SLC9A3: variants seen among roughly 807,000 people sequenced by gnomAD.
The protein encoded by SLC9A3 is sodium/hydrogen exchanger 3.
Under a neutral mutation model 86.8 loss-of-function variants are expected in SLC9A3, and 37 were observed. That is an observed-to-expected ratio of 0.43 (90% CI 0.33 to 0.56). The LOEUF (loss-of-function observed/expected upper bound fraction) is 0.56. SLC9A3 is among the 20% of genes least tolerant of loss of function. The pLI is 0.06. For synonymous variants in SLC9A3, 581 were observed against 528.3 expected (o/e 1.10, Z -1.37); for missense variants, 1,011 against 1,171.9 (o/e 0.86, Z 2.00).
At chr5:517,927 CTCCATTCA>C (rs542507757) in intron 1 of SLC9A3, among the ~76,000 whole-genome samples, 189 of 152,188 alleles carry the variant, frequency 1.2e-3, no homozygotes, top group Non-Finnish European at 2.5e-3. Context: ...CATCCATTCA[CTCCATTCA>C]TCCATTCGCT....
At chr5:509,997 G>T (rs13436079) in intron 1 of SLC9A3, among the ~76,000 whole-genome samples, 32,531 of 152,192 alleles carry the variant, frequency 0.21, 3,995 homozygotes, top group African/African-American at 0.35. Context: ...AAGGATGGGG[G>T]AGGCTTCGGG....
chr5:497,338 G>A lies in SLC9A3; in HGVS notation c.212-5267C>T, dbSNP rs1740070189. ...GGAGTCGACGCCCCCCACTGCCCTC[G>A]AAACCTGGTTTCTCTGCTCCCGGGT... is the stretch of plus-strand genomic sequence containing the variant. On this transcript the variant is annotated intron_variant, in intron 1 of 16. Coordinates refer to ENST00000264938, the MANE Select transcript of SLC9A3 (RefSeq NM_004174.4). The surrounding 1 kb of genome is among the most constrained non-coding windows in gnomAD (Gnocchi z 5.4). Among the ~76,000 whole-genome samples the A allele has an allele frequency of 6.6e-6, 1 of 152,050 alleles. No homozygotes were observed. The highest frequency in any genetic ancestry group is 2.4e-5 in the African/African-American group (1 of 41,410).
At chr5:483,583 G>T in intron 5 of SLC9A3, 101 bp from the exon 6 acceptor site, 2 of 845,504 alleles carry the variant, frequency 2.4e-6, no homozygotes, top group Non-Finnish European at 3.9e-6. Context: ...TAGGCCCAGA[G>T]TCACAGTTGT....
At chr5:478,534 G>T (rs868522830) in intron 10 of SLC9A3, 1 of 153,778 alleles carries the variant, frequency 6.5e-6, no homozygotes, top group Middle Eastern at 8.4e-4. Flanking sequence ...GCCACCCCAG[G>T]TGTGGGGACC....
intron 1 of SLC9A3, among the ~76,000 whole-genome samples, chr5:523,269 T>C (rs1733938736): frequency 6.6e-6 from 1 of 152,182 alleles, no homozygotes; most frequent in South Asian, 2.1e-4. Context: ...CCCTCCCCTG[T>C]CCTGCGTGGG....
chr5:476,517 T>TCCAGCCC (rs777711841), intron 12 of SLC9A3, 26 bp downstream of exon 12: 1 of 1,606,922 alleles, frequency 6.2e-7, no homozygotes, highest in Non-Finnish European at 8.5e-7. Context: ...TGCGGGGTCC[T>TCCAGCCC]CCAGCCCCCA....
chr5:507,081 T>A (rs754939161), intron 1 of SLC9A3, among the ~76,000 whole-genome samples: 13 of 26,046 alleles, frequency 5.0e-4, no homozygotes, highest in South Asian at 2.9e-3. Flanking sequence ...TCTCAAAAAA[T>A]AAATAAATAA....
chr5:476,992 C>T (rs1037584110), intron 11 of SLC9A3: 2 of 517,226 alleles, frequency 3.9e-6, no homozygotes, highest in Non-Finnish European at 7.0e-6. Context: ...GAGTGGACCT[C>T]CTATGAGAAC....
chr5:493,922 T>G (rs1739907944), intron 1 of SLC9A3, among the ~76,000 whole-genome samples: 1 of 152,000 alleles, frequency 6.6e-6, no homozygotes, highest in Admixed American at 6.5e-5. Flanking sequence ...CACGCGACAG[T>G]GATAACCAAA....
At chr5:519,563 C>T (rs1421587393) in intron 1 of SLC9A3, among the ~76,000 whole-genome samples, 2 of 152,222 alleles carry the variant, frequency 1.3e-5, no homozygotes, top group African/African-American at 2.4e-5. Flanking sequence ...GTCACACCCC[C>T]AGTGGCGGAG....
chr5:491,477 T>TA lies in SLC9A3; in HGVS notation c.514+291dup, dbSNP rs374242931. ...TGGCCGGCGAGTGTGGACGGACCCCTACCTCTGCCCAGTGCCGGAGGAAGA... is the reference window on the plus strand; with the variant it reads ...TGGCCGGCGAGTGTGGACGGACCCCTAACCTCTGCCCAGTGCCGGAGGAAGA... On this transcript the variant is annotated intron_variant, in intron 2 of 16. Transcript: ENST00000264938. The surrounding 1 kb of genome is among the most constrained non-coding windows in gnomAD (Gnocchi z 9.2). Among the ~76,000 whole-genome samples the TA allele has an allele frequency of 6.8e-3, 1,034 of 152,122 alleles. 15 individuals carry two copies. The highest frequency in any genetic ancestry group is 0.024 in the African/African-American group (995 of 41,480).
intron 10 of SLC9A3, chr5:478,507 A>T (rs958559087): frequency 8.5e-5 from 13 of 152,932 alleles, no homozygotes; most frequent in Non-Finnish European, 1.5e-4. Context: ...GCCAGGAGGG[A>T]CACTGGGCAG....
At chr5:493,897 C>A (rs1277439653) in intron 1 of SLC9A3, among the ~76,000 whole-genome samples, 1 of 152,200 alleles carries the variant, frequency 6.6e-6, no homozygotes, top group African/African-American at 2.4e-5. Flanking sequence ...GGGGTTGGCC[C>A]GGGGAGGCTG....
chr5:521,577 T>C (rs1400754266), intron 1 of SLC9A3, among the ~76,000 whole-genome samples: 1 of 152,196 alleles, frequency 6.6e-6, no homozygotes, highest in Non-Finnish European at 1.5e-5. Flanking sequence ...TTTCTGTTCG[T>C]GTAACTTGAG....
rs186673675 is a variant in SLC9A3 at position 489,138 on chromosome 5, C to T, written c.515-662G>A. ...CAGGGTTCAGGCCTCGAGGAGGCCA[C>T]GTGGGGGTGCCAGGCTCCAGGGGAC... On this transcript the variant is annotated intron_variant, in intron 2 of 16. Transcript: ENST00000264938. Among the ~76,000 whole-genome samples the T allele has an allele frequency of 1.3e-3, 192 of 152,274 alleles. 11 individuals are homozygous for T. In the East Asian group the frequency reaches 0.018, roughly 14 times the overall value.
At chr5:518,415 TCCTGAGACCTGGCAC>T (rs1733794944) in intron 1 of SLC9A3, among the ~76,000 whole-genome samples, 1 of 151,064 alleles carries the variant, frequency 6.6e-6, no homozygotes, top group African/African-American at 2.4e-5. Flanking sequence ...AGATCTGGCA[TCCTGAGACCTGGCAC>T]CCTGAGACCT....
At position 483,414 on chromosome 5, in the gene SLC9A3, G is replaced by T. The variant is rs1383098282; in HGVS notation, c.1001C>A (p.Thr334Asn). ...CAGCATCTTCATGGTGTAGCGCACG[G>T]TGGTGGCCGACTGCTCCGAGATGTT... ...KANISEQSAT[T>N]VRYTMKMLAS... is the part of the protein sequence containing the mutation. The change falls in exon 6 of 17, where the codon ACC becomes AAC. Residue 334 changes from threonine (T) to asparagine (N), a missense_variant. Around this residue, in one of 3 missense-constraint regions of SLC9A3, gnomAD observed 565 missense variants for 790.0 expected, o/e 0.72. Coordinates refer to ENST00000264938, the MANE Select transcript of SLC9A3 (RefSeq NM_004174.4). 3 of 1,583,956 alleles carry T rather than the reference G, an allele frequency of 1.9e-6. No homozygotes were observed. The highest frequency in any genetic ancestry group is 1.7e-6 in the Non-Finnish European group (2 of 1,165,380).
chr5:471,383 G>A lies in SLC9A3; in HGVS notation c.*1996C>T, dbSNP rs929206424. The A allele has an allele frequency of 7.2e-6, 2 of 277,858 alleles. No individual in the cohort carries two copies. The highest frequency in any genetic ancestry group is 4.4e-5 in the African/African-American group (2 of 45,310). The allele number at this position is 277,858 out of a possible 1,614,324, so 17.2% of individuals were successfully genotyped here. A position where few individuals can be genotyped will look rare whatever the true frequency, so the allele number is the denominator to read the frequency against. On this transcript the variant is annotated 3_prime_UTR_variant, in exon 17 of 17. Coordinates refer to ENST00000264938, the MANE Select transcript of SLC9A3 (RefSeq NM_004174.4). ...AGCGCCTGGAATCGCCATGCATTGC[G>A]CGGTGGACCGCACGACGCTCCTGCT...
intron 9 of SLC9A3, 109 bp from the exon 10 acceptor site, chr5:480,074 T>C: frequency 2.4e-6 from 3 of 1,255,856 alleles, no homozygotes; most frequent in East Asian, 4.7e-5. Flanking sequence ...ATAGTGACCC[T>C]GTAGGCGCGT....
Sources: gnomAD v4.1 joint callset for allele counts (sites outside exome capture counted in the v4.1 genomes callset) on GRCh38, gnomAD v4.1.1 for gene constraint, gnomAD v4.1.1 regional missense constraint, Gnocchi (gnomAD v3.1) non-coding constraint, MANE v1.5 for transcripts, NCBI Gene and HGNC (gene_info 2026-07-23, HGNC 2026-07-21) for gene names.